The following CCND3 variants were observed in gnomAD, a reference collection of about 807,000 sequenced individuals.
CCND3 encodes the protein G1/S-specific cyclin-D3.
Under a neutral mutation model 28.7 loss-of-function variants are expected in CCND3, and 9 were observed. That is an observed-to-expected ratio of 0.31 (90% CI 0.19 to 0.55). The LOEUF (loss-of-function observed/expected upper bound fraction) is 0.55, where lower values mean the gene tolerates loss of function less well. Ranked by LOEUF, CCND3 falls within the 20% of genes least tolerant of loss-of-function variation. The pLI, the probability that CCND3 is intolerant of heterozygous loss-of-function variation, is 0.93. For missense variants in CCND3, 315 were observed against 385.8 expected (o/e 0.82, Z 1.54); for synonymous variants, 164 against 163.9 (o/e 1.00, Z 0.00).
chr6:41,975,232 A>G (rs1373540607), intron 1 of CCND3, among the ~76,000 whole-genome samples: 1 of 152,144 alleles, frequency 6.6e-6, no homozygotes, highest in Non-Finnish European at 1.5e-5. Flanking sequence ...CTCTTCCACT[A>G]ACTGATTCAT....
intron 1 of CCND3, among the ~76,000 whole-genome samples, chr6:41,998,617 C>G (rs560120213): frequency 6.6e-6 from 1 of 151,694 alleles, no homozygotes; most frequent in African/African-American, 2.4e-5. Context: ...CGTGAGCCAC[C>G]GTGCCCAGCT....
intron 1 of CCND3, among the ~76,000 whole-genome samples, chr6:41,949,523 G>T (rs972757472): frequency 2.0e-5 from 3 of 151,966 alleles, no homozygotes; most frequent in Admixed American, 1.3e-4. Flanking sequence ...AGAAATTTCC[G>T]CCAGGCGCAG....
chr6:41,937,492 A>C (rs964473984), intron 2 of CCND3, 98 bp from the exon 3 acceptor site: 1 of 1,440,658 alleles, frequency 6.9e-7, no homozygotes, highest in Non-Finnish European at 9.5e-7. Context: ...AGCCCATCAA[A>C]CTTTTAAAGC....
At chr6:41,959,679 T>TCCGTCTCAAAAAAAA (rs772818142) in intron 1 of CCND3, among the ~76,000 whole-genome samples, 13 of 147,210 alleles carry the variant, frequency 8.8e-5, no homozygotes, top group East Asian at 2.0e-4. Flanking sequence ...ACAGCAAGAC[T>TCCGTCTCAAAAAAAA]AAATCAGGCC....
At chr6:41,970,726 C>T (rs1229083922) in intron 1 of CCND3, among the ~76,000 whole-genome samples, 3 of 152,166 alleles carry the variant, frequency 2.0e-5, no homozygotes, top group South Asian at 2.1e-4. Flanking sequence ...TGCGCTTCCA[C>T]GTGGGGAAAG....
rs533547347 is a variant in CCND3 at position 41,940,989 on chromosome 6, G to C, written c.199-404C>G. 14 of 1,612,924 alleles carry C rather than the reference G, an allele frequency of 8.7e-6. No homozygotes were observed. The African/African-American group carries it at 1.5e-4, about 17-fold the overall frequency. On this transcript the variant is annotated intron_variant, in intron 1 of 4. Transcript: ENST00000372991. ...GAGGAGGCTCCTGCCGCTGCCTCCT[G>C]CACTTTTCATTTCCCTGTCGGCCGG...
At chr6:42,028,926 G>A (rs528925887) in intron 1 of CCND3, among the ~76,000 whole-genome samples, 1 of 151,776 alleles carries the variant, frequency 6.6e-6, no homozygotes, top group African/African-American at 2.4e-5. Flanking sequence ...TGCTCAGGAC[G>A]GGTCCCAAAC....
chr6:41,965,872 T>C (rs1761873601), intron 1 of CCND3, among the ~76,000 whole-genome samples: 3 of 152,224 alleles, frequency 2.0e-5, no homozygotes, highest in Admixed American at 2.0e-4. Context: ...CATATCTTTG[T>C]CTGACCCATT....
At chr6:41,942,543 CTTG>C (rs1044526604), upstream of CCND3, among the ~76,000 whole-genome samples, 1 of 152,150 alleles carries the variant, frequency 6.6e-6, no homozygotes, top group African/African-American at 2.4e-5. Context: ...ATGGCCTCAC[CTTG>C]TTAAGTTGCT....
chr6:41,941,279 G>C lies in CCND3; in HGVS notation c.198+173C>G, dbSNP rs1446358509. On this transcript the variant is annotated intron_variant, in intron 1 of 4. Coordinates refer to ENST00000372991, the MANE Select transcript of CCND3 (RefSeq NM_001760.5). The surrounding 1 kb of genome is among the most constrained non-coding windows in gnomAD (Gnocchi z 6.1). The stretch of plus-strand genomic sequence containing the variant: ...TGTCGGGAGGAGCCGATTAGGGCTC[G>C]GGAAAGCAAGGGAGGCAGCTGGCGT... 2.8e-6 allele frequency: 4 copies of C among 1,440,544 alleles called. No individual in the cohort carries two copies. The highest frequency in any genetic ancestry group is 3.6e-6 in the Non-Finnish European group (4 of 1,100,470). 89.2% of individuals were successfully genotyped at this position (1,440,544 alleles called of 1,614,324 possible). A position where few individuals can be genotyped will look rare whatever the true frequency, so the allele number is the denominator to read the frequency against.
At chr6:41,975,013 C>CA (rs1762136524) in intron 1 of CCND3, among the ~76,000 whole-genome samples, 1 of 151,970 alleles carries the variant, frequency 6.6e-6, no homozygotes. Flanking sequence ...AGGCTCGTCT[C>CA]AAACTCCTGA....
chr6:41,963,359 G>A (rs1053240206), intron 1 of CCND3, among the ~76,000 whole-genome samples: 3 of 152,228 alleles, frequency 2.0e-5, no homozygotes, highest in Non-Finnish European at 4.4e-5. Flanking sequence ...GCCCACAGAG[G>A]CTACCCTAAT....
rs534483648 is a variant in CCND3 at position 41,973,981 on chromosome 6, G to A, written c.-45-33396C>T. Among the ~76,000 whole-genome samples the A allele has an allele frequency of 3.0e-4, 46 of 152,274 alleles. No homozygotes were observed. In the South Asian group the frequency reaches 5.4e-3, roughly 18 times the overall value. ...GTGGATCACCTGAGGTCAAGACTTC[G>A]AGACCATCCTGGCCAACATGGCAAA... On this transcript the variant is annotated intron_variant, in intron 1 of 4. Coordinates refer to the CCND3 transcript ENST00000372988.
At chr6:42,009,058 A>C (rs1367492720) in intron 1 of CCND3, among the ~76,000 whole-genome samples, 1 of 152,220 alleles carries the variant, frequency 6.6e-6, no homozygotes, top group Non-Finnish European at 1.5e-5. Context: ...TAAGGTATAC[A>C]GAAGTGTAAG....
intron 1 of CCND3, among the ~76,000 whole-genome samples, chr6:41,964,062 G>T (rs1761787479): frequency 6.6e-6 from 1 of 152,204 alleles, no homozygotes; most frequent in Admixed American, 6.5e-5. Flanking sequence ...GATGAATAAA[G>T]TATACCCACC....
chr6:42,022,258 C>CT (rs1448245118), intron 1 of CCND3, among the ~76,000 whole-genome samples: 1 of 152,156 alleles, frequency 6.6e-6, no homozygotes, highest in Non-Finnish European at 1.5e-5. Flanking sequence ...TCACTTTCTC[C>CT]TATAATGTCT....
chr6:41,959,929 C>T (rs146545971), intron 1 of CCND3, among the ~76,000 whole-genome samples: 1 of 146,298 alleles, frequency 6.8e-6, no homozygotes, highest in East Asian at 2.0e-4. Flanking sequence ...GCACTCCAAC[C>T]TGGGCAACAG....
At chr6:41,951,541 G>GAC (rs1268678641) in intron 1 of CCND3, among the ~76,000 whole-genome samples, 1,716 of 78,054 alleles carry the variant, frequency 0.022, 77 homozygotes, top group Middle Eastern at 0.073. Context: ...CAGCCTGAGC[G>GAC]ACACACACAC....
chr6:42,047,457 A>G (rs746708733), intron 1 of CCND3, among the ~76,000 whole-genome samples: 77 of 152,312 alleles, frequency 5.1e-4, no homozygotes, highest in Admixed American at 8.5e-4. Context: ...TCTGGTCCCA[A>G]AGAGAAATGA....
Sources: gnomAD v4.1 joint callset for allele counts (sites outside exome capture counted in the v4.1 genomes callset) on GRCh38, gnomAD v4.1.1 for gene constraint, Gnocchi (gnomAD v3.1) non-coding constraint, MANE v1.5 for transcripts, NCBI Gene and HGNC (gene_info 2026-07-23, HGNC 2026-07-21) for gene names.